Variants in ST6GAL1 observed in about 807,000 individuals in gnomAD.
The protein encoded by ST6GAL1 is beta-galactoside alpha-2,6-sialyltransferase 1.
ST6GAL1 carries 20 observed loss-of-function variants against 38.0 expected under a neutral mutation model. The ratio of observed to expected loss-of-function variants is 0.53; its 90% CI spans 0.37 to 0.77. ST6GAL1 has a LOEUF of 0.77. Among genes scored for constraint, ST6GAL1 ranks in the 30% least tolerant of loss-of-function variants. The pLI is 0.00. For missense variants in ST6GAL1, 432 were observed against 496.4 expected (o/e 0.87, Z 1.23); for synonymous variants, 196 against 188.2 (o/e 1.04, Z -0.34).
At chr3:186,973,550 G>A (rs766713189) in intron 2 of ST6GAL1, among the ~76,000 whole-genome samples, 3 of 152,210 alleles carry the variant, frequency 2.0e-5, no homozygotes, top group African/African-American at 4.8e-5. Flanking sequence ...CATCAGGGGT[G>A]TCTGGGAAAG....
chr3:186,990,254 G>A (rs545785657), intron 2 of ST6GAL1, among the ~76,000 whole-genome samples: 143 of 152,132 alleles, frequency 9.4e-4, no homozygotes, highest in African/African-American at 3.1e-3. Flanking sequence ...GGCTGGTCTC[G>A]AACTCCTGAC....
intron 2 of ST6GAL1, among the ~76,000 whole-genome samples, chr3:187,021,380 C>T (rs1275358098): frequency 1.3e-5 from 2 of 152,194 alleles, no homozygotes; most frequent in Non-Finnish European, 2.9e-5. Context: ...AGTCTCTCTC[C>T]TGCCGTCCTT....
intron 2 of ST6GAL1, among the ~76,000 whole-genome samples, chr3:187,015,851 T>A (rs7637730): frequency 4.6e-5 from 7 of 151,690 alleles, no homozygotes; most frequent in African/African-American, 1.7e-4. Flanking sequence ...GAAAAAAAAA[T>A]AAAAATAAAT....
chr3:187,019,516 C>T (rs543780686), intron 2 of ST6GAL1, among the ~76,000 whole-genome samples: 1 of 152,300 alleles, frequency 6.6e-6, no homozygotes, highest in South Asian at 2.1e-4. Context: ...AATGCAATCC[C>T]TCTCTGGACA....
intron 5 of ST6GAL1, 48 bp from the exon 6 acceptor site, chr3:187,072,801 A>C (rs753043284): frequency 6.6e-7 from 1 of 1,523,874 alleles, no homozygotes; most frequent in Non-Finnish European, 9.1e-7. Flanking sequence ...CATGTCAAAC[A>C]TTTGCATATG....
At chr3:186,947,602 G>T (rs114408983) in intron 1 of ST6GAL1, among the ~76,000 whole-genome samples, 1,718 of 152,156 alleles carry the variant, frequency 0.011, 40 homozygotes, top group African/African-American at 0.037. Context: ...ATAAAACATG[G>T]TTTAGATGTA....
At chr3:186,995,431 G>A (rs1410309671) in intron 2 of ST6GAL1, among the ~76,000 whole-genome samples, 7 of 149,318 alleles carry the variant, frequency 4.7e-5, no homozygotes, top group Non-Finnish European at 1.0e-4. Flanking sequence ...GCTTGGACCC[G>A]GGAGGTGGAG....
chr3:186,991,197 GGA>G (rs1553822533), intron 2 of ST6GAL1, among the ~76,000 whole-genome samples: 1 of 152,150 alleles, frequency 6.6e-6, no homozygotes, highest in Non-Finnish European at 1.5e-5. Flanking sequence ...TCCCTTGGGT[GGA>G]GTGTGGTTCT....
intron 2 of ST6GAL1, among the ~76,000 whole-genome samples, chr3:186,983,684 C>G (rs56140842): frequency 2.0e-5 from 3 of 151,850 alleles, no homozygotes; most frequent in Non-Finnish European, 2.9e-5. Context: ...GTAATTAACA[C>G]GAATTGCCTC....
In ST6GAL1 at chr3:187,078,088, C is replaced by T. The variant is rs1037198588; in HGVS notation, c.*2285C>T. The T allele has an allele frequency of 1.2e-4, 18 of 152,530 alleles. No individual in the cohort carries two copies. Among genetic ancestry groups the T allele is most frequent in the African/African-American group, 4.3e-4 (18 of 41,414 alleles). 9.4% of individuals were successfully genotyped at this position (152,530 alleles called of 1,614,324 possible). ...AATCTTCGAATCATGACACTGAGTG[C>T]AGAGGAGGTGGCATTCCGACAGCAG... is the stretch of plus-strand genomic sequence containing the variant. On this transcript the variant is annotated 3_prime_UTR_variant, in exon 8 of 8. Coordinates refer to ENST00000169298, the MANE Select transcript of ST6GAL1 (RefSeq NM_173216.2).
At chr3:186,997,969 G>A (rs766731217) in intron 2 of ST6GAL1, among the ~76,000 whole-genome samples, 17 of 151,872 alleles carry the variant, frequency 1.1e-4, no homozygotes, top group South Asian at 8.3e-4. Context: ...AAAAGAGGCC[G>A]GGCATGGTGG....
chr3:186,945,874 T>C (rs1056837622), intron 1 of ST6GAL1, among the ~76,000 whole-genome samples: 17 of 150,278 alleles, frequency 1.1e-4, no homozygotes, highest in African/African-American at 3.9e-4. Flanking sequence ...ACCTGCAGTC[T>C]CAGCTACTTG....
chr3:187,023,420 G>A (rs1717399132), intron 2 of ST6GAL1, among the ~76,000 whole-genome samples: 2 of 152,244 alleles, frequency 1.3e-5, no homozygotes, highest in South Asian at 4.1e-4. Flanking sequence ...TGCTGTGTCT[G>A]CAGTCTGGTT....
intron 5 of ST6GAL1, among the ~76,000 whole-genome samples, chr3:187,058,737 G>T (rs1021001857): frequency 6.6e-6 from 1 of 151,884 alleles, no homozygotes; most frequent in Admixed American, 6.6e-5. Flanking sequence ...CTTTTCCTGG[G>T]TTCAAGCGAT....
chr3:186,976,161 A>G (rs957731827), intron 2 of ST6GAL1, among the ~76,000 whole-genome samples: 1 of 152,156 alleles, frequency 6.6e-6, no homozygotes, highest in African/African-American at 2.4e-5. Context: ...TGACTTGTCC[A>G]AGGTCATCCA....
chr3:187,067,874 G>C (rs77402722), intron 5 of ST6GAL1, among the ~76,000 whole-genome samples: 1,557 of 152,180 alleles, frequency 0.01, 24 homozygotes, highest in African/African-American at 0.035. Context: ...AAAATGATGG[G>C]TCTGAATTTA....
chr3:186,974,725 T>TG (rs1364477761), intron 2 of ST6GAL1, among the ~76,000 whole-genome samples: 80 of 90,402 alleles, frequency 8.8e-4, no homozygotes, highest in Non-Finnish European at 1.6e-3. Flanking sequence ...GAGAGCCTGG[T>TG]TGGGGGGGGG....
intron 5 of ST6GAL1, among the ~76,000 whole-genome samples, chr3:187,061,502 A>G (rs1300566658): frequency 6.6e-6 from 1 of 152,066 alleles, no homozygotes; most frequent in East Asian, 1.9e-4. Flanking sequence ...TAATCGAGAG[A>G]GTGAGGTACA....
chr3:187,066,876 G>A (rs1719164512), intron 5 of ST6GAL1, among the ~76,000 whole-genome samples: 1 of 152,008 alleles, frequency 6.6e-6, no homozygotes, highest in South Asian at 2.1e-4. Context: ...ACAGGCGTTT[G>A]AGAACAGCTT....
Sources: allele counts gnomAD v4.1 joint callset (sites outside exome capture counted in the v4.1 genomes callset), GRCh38; gene constraint gnomAD v4.1.1; transcripts MANE v1.5; gene names NCBI Gene and HGNC (gene_info 2026-07-23, HGNC 2026-07-21).